ALKAL2: variants seen among roughly 807,000 people sequenced by gnomAD.
ALKAL2 encodes AUG-alpha.
In ALKAL2, 8 loss-of-function variants were observed where a neutral mutation model predicts 18.5. The ratio of observed to expected loss-of-function variants is 0.43; its 90% CI spans 0.25 to 0.78. The LOEUF (loss-of-function observed/expected upper bound fraction) is 0.78. Ranked by LOEUF, ALKAL2 falls within the 30% of genes least tolerant of loss-of-function variation. The pLI, the probability that ALKAL2 is intolerant of heterozygous loss-of-function variation, is 0.22. For missense variants in ALKAL2, 241 were observed against 211.2 expected, an observed-to-expected ratio of 1.14 and a Z score of -0.88; for synonymous variants, 135 against 95.8, an observed-to-expected ratio of 1.41 and a Z score of -2.39.
In ALKAL2 at chr2:287,744, G is replaced by A. The variant is rs1423644716; in HGVS notation, c.92C>T (p.Pro31Leu). 6.9e-7 allele frequency: 1 copy of A among 1,450,386 alleles called. No individual in the cohort carries two copies. Among genetic ancestry groups the A allele is most frequent in the South Asian group, 1.4e-5 (1 of 73,708 alleles). 89.8% of individuals were successfully genotyped at this position (1,450,386 alleles called of 1,614,324 possible). ...CCGCAGCAGCGCCTGTCCGTCCGCCGGCTCCCGGGGCTCCGCGCCCCCCCG... is the reference window on the plus strand; with the variant it reads ...CCGCAGCAGCGCCTGTCCGTCCGCCAGCTCCCGGGGCTCCGCGCCCCCCCG... Reference protein sequence around the residue: ...RGRGGAEPREPADGQALLRLV... With the variant: ...RGRGGAEPRELADGQALLRLV... The change falls in exon 2 of 6, where the codon CCG becomes CTG. Residue 31 changes from proline to leucine, a missense_variant. Coordinates refer to ENST00000403610, the MANE Select transcript of ALKAL2 (RefSeq NM_001002919.3).
chr2:284,783 C>T (rs1326278038), intron 4 of ALKAL2, among the ~76,000 whole-genome samples: 1 of 152,140 alleles, frequency 6.6e-6, no homozygotes, highest in African/African-American at 2.4e-5. Flanking sequence ...ACTCAGAGGT[C>T]ACTTCCAAAT....
rs139333170 is a variant in ALKAL2 at position 283,180 on chromosome 2, G to A, written c.389-5C>T. 1,516 of 1,612,116 alleles carry A rather than the reference G, an allele frequency of 9.4e-4. 16 individuals are homozygous for A. In the African/African-American group the frequency reaches 0.017, roughly 18 times the overall value. On this transcript the variant is annotated splice_polypyrimidine_tract_variant and splice_region_variant and intron_variant, in intron 4 of 5. Coordinates refer to ENST00000403610, the MANE Select transcript of ALKAL2 (RefSeq NM_001002919.3). Reference sequence around the variant, plus strand: ...GCCTGGCGCATCTTTTATAGTCTACGGTGAAAATATATCAGACTCTTGTCA... The same window carrying A: ...GCCTGGCGCATCTTTTATAGTCTACAGTGAAAATATATCAGACTCTTGTCA...
intron 2 of ALKAL2, 92 bp downstream of exon 2, chr2:287,491 T>G: frequency 1.2e-5 from 9 of 739,632 alleles, no homozygotes; most frequent in South Asian, 3.4e-5. Flanking sequence ...TGTTCAGTGG[T>G]CAAAATTGAT....
At position 287,675 on chromosome 2, in the gene ALKAL2, G is replaced by T; in HGVS notation, c.161C>A (p.Ala54Glu). ...GAGGAGCTGCAGGCCCTTGTGCTCC[G>T]CCGAGTGGTGCTTCCGCAGCTCCTG... ...LVQELRKHHS[A>E]EHKGLQLLGR... Residue 54 changes from alanine (A) to glutamate (E), a missense_variant, in exon 2 of 6, where the codon GCG becomes GAG. By Grantham distance (107) the Ala-to-Glu change is moderately radical (BLOSUM62 -1). Transcript: ENST00000403610. 1 of 1,482,984 alleles carries T rather than the reference G, an allele frequency of 6.7e-7. No homozygotes were observed. The allele number at this position is 1,482,984 out of a possible 1,614,324, so 91.9% of individuals were successfully genotyped here. A position where few individuals can be genotyped will look rare whatever the true frequency, so the allele number is the denominator to read the frequency against.
chr2:282,813 T>C (rs1048964960), intron 5 of ALKAL2, among the ~76,000 whole-genome samples: 23 of 152,228 alleles, frequency 1.5e-4, no homozygotes, highest in African/African-American at 4.1e-4. Context: ...TTTTAGTCTG[T>C]TCCTGACTTA....
intron 5 of ALKAL2, among the ~76,000 whole-genome samples, chr2:281,664 G>A (rs996894679): frequency 6.6e-6 from 1 of 152,132 alleles, no homozygotes; most frequent in Non-Finnish European, 1.5e-5. Context: ...GCATGTGGAC[G>A]GAGTAGCTCT....
Position 286,107 on chromosome 2 carries a change from C to A in ALKAL2, c.388+16G>T. 6 of 1,606,844 alleles carry A rather than the reference C, an allele frequency of 3.7e-6. No individual in the cohort carries two copies. The highest frequency in any genetic ancestry group is 5.1e-6 in the Non-Finnish European group (6 of 1,174,074). ...ACTGCTCTTGCATTTTATAAAAATCCAATGCTGTTACTTACATGCAGGAAT... is the reference window on the plus strand; with the variant it reads ...ACTGCTCTTGCATTTTATAAAAATCAAATGCTGTTACTTACATGCAGGAAT... On this transcript the variant is annotated intron_variant, in intron 4 of 5. Coordinates refer to ENST00000403610, the MANE Select transcript of ALKAL2 (RefSeq NM_001002919.3).
intron 2 of ALKAL2, 108 bp from the exon 3 acceptor site, chr2:286,451 C>T: frequency 1.3e-6 from 1 of 788,026 alleles, no homozygotes; most frequent in East Asian, 2.5e-5. Context: ...AGCCAAGTTG[C>T]TTTGCACAAA....
At position 280,156 on chromosome 2, in the gene ALKAL2, A is replaced by G; in HGVS notation, c.454-4T>C. On this transcript the variant is annotated splice_polypyrimidine_tract_variant and splice_region_variant and intron_variant, in intron 5 of 5. Transcript: ENST00000403610. ...CTCCTGTACGGTCTGCTCACTGCTG[A>G]AAACAAATACATTGCGTGTGATATG... is the stretch of plus-strand genomic sequence containing the variant. The G allele has an allele frequency of 6.2e-7, 1 of 1,614,014 alleles. No homozygotes were observed.
intron 2 of ALKAL2, 168 bp downstream of exon 2, chr2:287,415 T>C (rs1670553083): frequency 1.9e-6 from 1 of 515,780 alleles, no homozygotes; most frequent in Non-Finnish European, 3.0e-6. Context: ...CCAGGCCTCA[T>C]GCGCGGACCT....
rs1233320195 is a variant in ALKAL2, at chr2:281,027, G to A, written c.454-875C>T. Among the ~76,000 whole-genome samples, 4 of 152,216 alleles carry A rather than the reference G, an allele frequency of 2.6e-5. No individual in the cohort carries two copies. In the East Asian group the frequency reaches 5.8e-4, roughly 22 times the overall value. ...CCTGCCTGATGCCACACCGTCACAC[G>A]AGTGTGGGCACCCTGGGACACCTGC... On this transcript the variant is annotated intron_variant, in intron 5 of 5. Transcript: ENST00000403610.
In ALKAL2 at chr2:287,732, T is replaced by C. The variant is rs1403184909; in HGVS notation, c.104A>G (p.Gln35Arg). ...GAEPREPADG[Q>R]ALLRLVVELV... ...TTCCACCACCAGCCGCAGCAGCGCC[T>C]GTCCGTCCGCCGGCTCCCGGGGCTC... Residue 35 changes from glutamine (Q) to arginine (R), a missense_variant, in exon 2 of 6, where the codon CAG (glutamine) becomes CGG (arginine). Physicochemically the swap from Gln to Arg is conservative, Grantham distance 43. Coordinates refer to ENST00000403610, the MANE Select transcript of ALKAL2 (RefSeq NM_001002919.3). 1 of 1,461,160 alleles carries C rather than the reference T, an allele frequency of 6.8e-7. No individual in the cohort carries two copies. The highest frequency in any genetic ancestry group is 9.0e-7 in the Non-Finnish European group (1 of 1,111,182). The allele number at this position is 1,461,160 out of a possible 1,614,324, so 90.5% of individuals were successfully genotyped here.
chr2:285,549 G>T (rs1330744426), intron 4 of ALKAL2, among the ~76,000 whole-genome samples: 1 of 152,182 alleles, frequency 6.6e-6, no homozygotes, highest in African/African-American at 2.4e-5. Flanking sequence ...GTTTTGTTAT[G>T]AATAAATAGC....
chr2:283,471 AG>A, intron 4 of ALKAL2: 1 of 985,446 alleles, frequency 1.0e-6, no homozygotes, highest in Non-Finnish European at 1.2e-6. Context: ...TGCTTCTCTC[AG>A]AAATAACTTC....
intron 4 of ALKAL2, among the ~76,000 whole-genome samples, chr2:284,330 A>C (rs1670438406): frequency 2.6e-5 from 4 of 152,206 alleles, no homozygotes; most frequent in African/African-American, 9.7e-5. Flanking sequence ...CAACAAGTCT[A>C]GATGGGACTT....
chr2:286,537 T>A, intron 2 of ALKAL2, 194 bp from the exon 3 acceptor site: 1 of 532,692 alleles, frequency 1.9e-6, no homozygotes, highest in Non-Finnish European at 3.3e-6. Context: ...TTATTTTCCT[T>A]GAAATAACAG....
At position 287,383 on chromosome 2, in the gene ALKAL2, A is replaced by G. The variant is rs147103923; in HGVS notation, c.253+200T>C. 3.3e-3 allele frequency: 1,390 copies of G among 423,620 alleles called. 16 individuals are homozygous for G. The highest frequency in any genetic ancestry group is 0.027 in the African/African-American group (1,280 of 48,114). 26.2% of individuals were successfully genotyped at this position (423,620 alleles called of 1,614,324 possible). On this transcript the variant is annotated intron_variant, in intron 2 of 5. Transcript: ENST00000403610. ...CCGCGCCGCAGCTCACGCGCGCCAG[A>G]AGGAGACCAGGCGCTTCTCCGCCAG...
chr2:280,397 C>G (rs188548266), intron 5 of ALKAL2, among the ~76,000 whole-genome samples: 413 of 152,322 alleles, frequency 2.7e-3, no homozygotes, highest in African/African-American at 9.6e-3. Flanking sequence ...CATGTGGATG[C>G]TTTATTACAG....
intron 5 of ALKAL2, among the ~76,000 whole-genome samples, chr2:281,918 G>T (rs1670367422): frequency 6.6e-6 from 1 of 152,210 alleles, no homozygotes; most frequent in South Asian, 2.1e-4. Context: ...CTGCTCGAGA[G>T]AATTGGAAAG....
Sources: gnomAD v4.1 joint callset for allele counts (sites outside exome capture counted in the v4.1 genomes callset) on GRCh38, gnomAD v4.1.1 for gene constraint, MANE v1.5 for transcripts, NCBI Gene and HGNC (gene_info 2026-07-23, HGNC 2026-07-21) for gene names.